Variants in GNAS observed in about 807,000 individuals in gnomAD.
GNAS encodes GNAS complex locus.
A neutral mutation model predicts 54.5 loss-of-function variants in GNAS; 8 were observed. The observed-to-expected ratio is 0.15, with a 90% CI of 0.09 to 0.26. The LOEUF (loss-of-function observed/expected upper bound fraction) is 0.26. Among genes scored for constraint, GNAS ranks in the 10% least tolerant of loss-of-function variants. GNAS has a pLI of 1.00. For missense variants in GNAS, 170 were observed against 529.8 expected (o/e 0.32, Z 6.67); for synonymous variants, 204 against 191.4 (o/e 1.07, Z -0.54).
intron 1 of GNAS, among the ~76,000 whole-genome samples, chr20:58,844,446 T>C (rs888082820): frequency 6.6e-6 from 1 of 152,178 alleles, no homozygotes; most frequent in Non-Finnish European, 1.5e-5. Context: ...CTATTTCCTA[T>C]AACTTGATGT....
chr20:58,891,044 C>T (rs1452277833), upstream of GNAS, among the ~76,000 whole-genome samples: 1 of 150,480 alleles, frequency 6.6e-6, no homozygotes, highest in Non-Finnish European at 1.5e-5. Flanking sequence ...GGGGGTGGAG[C>T]GTTGGCGTCG....
chr20:58,865,534 A>G (rs1432214448), intron 1 of GNAS, among the ~76,000 whole-genome samples: 7 of 143,366 alleles, frequency 4.9e-5, no homozygotes, highest in African/African-American at 1.9e-4. Context: ...ATCATCTATA[A>G]TATAAAATAC....
At chr20:58,903,292 C>A in intron 3 of GNAS, 1 of 615,634 alleles carries the variant, frequency 1.6e-6, no homozygotes, top group Non-Finnish European at 2.9e-6. Flanking sequence ...CTGGTACAGT[C>A]ATGATTGCTA....
At chr20:58,901,587 T>A (rs372151504) in intron 3 of GNAS, among the ~76,000 whole-genome samples, 2 of 70,572 alleles carry the variant, frequency 2.8e-5, no homozygotes, top group African/African-American at 1.1e-4. Context: ...CCCCCACCAC[T>A]AATGAGCGTG....
At position 58,853,436 on chromosome 20, in the gene GNAS, G is replaced by A. The variant is rs2086265667; in HGVS notation, c.43+12550G>A. On this transcript the variant is annotated intron_variant, in intron 1 of 12. Transcript: ENST00000306090. The surrounding 1 kb of genome is among the most constrained non-coding windows in gnomAD (Gnocchi z 4.4). The stretch of plus-strand genomic sequence containing the variant: ...TGGAGACCGAACCGCCTCACAACGA[G>A]CCCATCCCCGTCGAGAATGATGGCG... The A allele has an allele frequency of 6.2e-7, 1 of 1,607,516 alleles. No homozygotes were observed. Among genetic ancestry groups the A allele is most frequent in the Non-Finnish European group, 8.5e-7 (1 of 1,177,286 alleles).
intron 5 of GNAS, 40 bp downstream of exon 5, chr20:58,903,831 A>C (rs775005694): frequency 3.2e-5 from 52 of 1,612,030 alleles, no homozygotes; most frequent in Non-Finnish European, 4.4e-5. Flanking sequence ...AGCCCCGCCC[A>C]CCTGAGCACA....
At chr20:58,840,323 G>T, upstream of GNAS, 1 of 1,612,960 alleles carries the variant, frequency 6.2e-7, no homozygotes, top group Non-Finnish European at 8.5e-7. The surrounding 1 kb of genome is among the most constrained non-coding windows in gnomAD (Gnocchi z 6.0). Flanking sequence ...CCGCTCCGGC[G>T]CCCAGGTATT....
chr20:58,854,104 C>T, intron 1 of GNAS: 6 of 1,612,288 alleles, frequency 3.7e-6, no homozygotes, highest in Non-Finnish European at 5.1e-6. Context: ...GTCCCAGGCG[C>T]CATCGGCAGC....
At chr20:58,889,307 G>A (rs989454972), upstream of GNAS, 24 of 990,152 alleles carry the variant, frequency 2.4e-5, no homozygotes, top group African/African-American at 3.2e-4. Flanking sequence ...GGCGGCGGCG[G>A]GCGGCCGGCA....
Position 58,857,094 on chromosome 20 carries a change from C to G in GNAS, c.43+16208C>G, listed in dbSNP as rs2086555273. 1 of 152,218 alleles carries G rather than the reference C, an allele frequency of 6.6e-6. No homozygotes were observed. Among genetic ancestry groups the G allele is most frequent in the African/African-American group, 2.4e-5 (1 of 41,448 alleles). The allele number at this position is 152,218 out of a possible 1,614,324, so 9.4% of individuals were successfully genotyped here. On this transcript the variant is annotated intron_variant, in intron 1 of 12. Coordinates refer to the GNAS transcript ENST00000306090. The surrounding 1 kb of genome is among the most constrained non-coding windows in gnomAD (Gnocchi z 4.1). The stretch of plus-strand genomic sequence containing the variant: ...TACATTTTATTCTCTAAGACTTTCT[C>G]TAAGACCTTCCAAGGGATTTCAAGA...
Position 58,841,638 on chromosome 20 carries a change from C to T in GNAS, c.43+752C>T. The T allele has an allele frequency of 4.6e-6, 5 of 1,092,670 alleles. No homozygotes were observed. Among genetic ancestry groups the T allele is most frequent in the Non-Finnish European group, 5.6e-6 (5 of 899,408 alleles). The allele number at this position is 1,092,670 out of a possible 1,614,324, so 67.7% of individuals were successfully genotyped here. On this transcript the variant is annotated intron_variant, in intron 1 of 12. Transcript: ENST00000306090. The surrounding 1 kb of genome is among the most constrained non-coding windows in gnomAD (Gnocchi z 5.0). ...CCCGCGCGCGCCGGAGCTGACCTCT[C>T]CCGGCGGCGGGCGGTTAGGGGAAAG...
chr20:58,911,065 C>T lies in GNAS; in HGVS notation c.*236C>T, dbSNP rs2091407021. 1 of 658,648 alleles carries T rather than the reference C, an allele frequency of 1.5e-6. No individual in the cohort carries two copies. Among genetic ancestry groups the T allele is most frequent in the Admixed American group, 2.1e-5 (1 of 48,224 alleles). 40.8% of individuals were successfully genotyped at this position (658,648 alleles called of 1,614,324 possible). The stretch of plus-strand genomic sequence containing the variant: ...AAAAGGCCACAAAAGTTCCCTCTCA[C>T]TTTCAGTAAAAATAAATAAAACAGC... On this transcript the variant is annotated 3_prime_UTR_variant, in exon 13 of 13. Coordinates refer to ENST00000371085, the MANE Select transcript of GNAS (RefSeq NM_000516.7).
At position 58,873,657 on chromosome 20, in the gene GNAS, G is replaced by A. The variant is rs181968147; in HGVS notation, c.44-21955G>A. Among the ~76,000 whole-genome samples the A allele has an allele frequency of 1.3e-5, 2 of 152,282 alleles. No individual in the cohort carries two copies. The highest frequency in any genetic ancestry group is 2.1e-4 in the South Asian group (1 of 4,826). On this transcript the variant is annotated intron_variant, in intron 1 of 12. Coordinates refer to the GNAS transcript ENST00000306090. The surrounding 1 kb of genome is among the most constrained non-coding windows in gnomAD (Gnocchi z 4.3). ...TGTCTGCCACGCCCCTTAGAAGGAC[G>A]AATCCTTGCCTGGTCGGTGAGTTTG...
chr20:58,852,057 G>A (rs1457386418), intron 1 of GNAS, among the ~76,000 whole-genome samples: 1 of 151,982 alleles, frequency 6.6e-6, no homozygotes, highest in Non-Finnish European at 1.5e-5. Flanking sequence ...GCGAAACTCT[G>A]AGGCCGCTTT....
intron 1 of GNAS, among the ~76,000 whole-genome samples, chr20:58,870,682 G>A (rs1338760975): frequency 6.6e-6 from 1 of 152,152 alleles, no homozygotes; most frequent in African/African-American, 2.4e-5. Context: ...TTGGGGGTTT[G>A]GTCTGTTTAT....
intron 1 of GNAS, among the ~76,000 whole-genome samples, chr20:58,875,018 C>A (rs1235565907): frequency 6.6e-6 from 1 of 151,920 alleles, no homozygotes; most frequent in Non-Finnish European, 1.5e-5. Context: ...ATGATAGTGA[C>A]CTTTATGTTT....
At chr20:58,904,613 A>G (rs376031456) in intron 5 of GNAS, among the ~76,000 whole-genome samples, 8 of 152,344 alleles carry the variant, frequency 5.3e-5, no homozygotes, top group African/African-American at 1.9e-4. Context: ...CTACAGCTAA[A>G]ACAATGAGTT....
rs918987128 is a variant in GNAS at position 58,841,030 on chromosome 20, T to A, written c.43+144T>A. 4.1e-6 allele frequency: 4 copies of A among 980,156 alleles called. No individual in the cohort carries two copies. Among genetic ancestry groups the A allele is most frequent in the African/African-American group, 1.6e-5 (1 of 61,434 alleles). The allele number at this position is 980,156 out of a possible 1,614,324, so 60.7% of individuals were successfully genotyped here. A position where few individuals can be genotyped will look rare whatever the true frequency, so the allele number is the denominator to read the frequency against. On this transcript the variant is annotated intron_variant, in intron 1 of 12. Coordinates refer to the GNAS transcript ENST00000306090. The surrounding 1 kb of genome is among the most constrained non-coding windows in gnomAD (Gnocchi z 5.0). ...GTCAGCCTGGGATCGGGGGTCAGGG[T>A]GAGGCGGCGAGGGCTCCCCCAAACT...
Position 58,891,596 on chromosome 20 carries a change from T to G in GNAS, c.-131T>G, listed in dbSNP as rs1227692607. On this transcript the variant is annotated 5_prime_UTR_variant, in exon 1 of 13. Transcript: ENST00000371085. ...GCGGCCCGCAGTCCGCCCCGCGCGCTCCTTGCCGAGGAGCCGAGCCCGCGC... is the reference window on the plus strand; with the variant it reads ...GCGGCCCGCAGTCCGCCCCGCGCGCGCCTTGCCGAGGAGCCGAGCCCGCGC... 6.9e-5 allele frequency: 67 copies of G among 964,336 alleles called. No homozygotes were observed. In the Middle Eastern group the frequency reaches 2.7e-3, roughly 39 times the overall value. 59.7% of individuals were successfully genotyped at this position (964,336 alleles called of 1,614,324 possible). A position where few individuals can be genotyped will look rare whatever the true frequency, so the allele number is the denominator to read the frequency against.
Sources: gnomAD v4.1 joint callset for allele counts (sites outside exome capture counted in the v4.1 genomes callset) on GRCh38, gnomAD v4.1.1 for gene constraint, Gnocchi (gnomAD v3.1) non-coding constraint, MANE v1.5 for transcripts, NCBI Gene and HGNC (gene_info 2026-07-23, HGNC 2026-07-21) for gene names.